The following TRPM3 variants were observed in gnomAD, a reference collection of about 807,000 sequenced individuals.
TRPM3 encodes the protein long transient receptor potential channel 3.
A neutral mutation model predicts 181.2 loss-of-function variants in TRPM3; 77 were observed. That is an observed-to-expected ratio of 0.42 (90% CI 0.35 to 0.51). The LOEUF (loss-of-function observed/expected upper bound fraction) is 0.51. TRPM3 is among the 20% of genes least tolerant of loss of function. The pLI is 0.01. For missense variants in TRPM3, 1,759 were observed against 2,196.7 expected (o/e 0.80, Z 3.98); for synonymous variants, 745 against 796.4 (o/e 0.94, Z 1.09).
intron 6 of TRPM3, among the ~76,000 whole-genome samples, chr9:70,791,666 T>C (rs1392690876): frequency 6.6e-6 from 1 of 152,160 alleles, no homozygotes; most frequent in Non-Finnish European, 1.5e-5. Context: ...GCTGGAGATA[T>C]GGGGATGTCA....
intron 1 of TRPM3, among the ~76,000 whole-genome samples, chr9:70,945,837 A>G (rs1564818991): frequency 6.6e-6 from 1 of 152,184 alleles, no homozygotes; most frequent in Non-Finnish European, 1.5e-5. Flanking sequence ...CCAAGTTGTA[A>G]GAACTGGCTG....
intron 1 of TRPM3, among the ~76,000 whole-genome samples, chr9:71,205,563 T>C (rs1565340303): frequency 6.6e-6 from 1 of 152,150 alleles, no homozygotes; most frequent in Non-Finnish European, 1.5e-5. Flanking sequence ...GTATGTGCAA[T>C]ACTGTGTCAA....
At chr9:71,028,386 T>A (rs2056853387) in intron 1 of TRPM3, among the ~76,000 whole-genome samples, 1 of 152,164 alleles carries the variant, frequency 6.6e-6, no homozygotes, top group Non-Finnish European at 1.5e-5. Flanking sequence ...TCAGTGATAC[T>A]ATAAAGCAAC....
chr9:71,050,716 A>G (rs1372131071), intron 1 of TRPM3, among the ~76,000 whole-genome samples: 1 of 152,222 alleles, frequency 6.6e-6, no homozygotes, highest in Non-Finnish European at 1.5e-5. Flanking sequence ...CCCATTTTTC[A>G]GAGAATTTTT....
chr9:71,159,064 A>C (rs2076144655), intron 1 of TRPM3, among the ~76,000 whole-genome samples: 1 of 150,886 alleles, frequency 6.6e-6, no homozygotes, highest in South Asian at 2.1e-4. Context: ...GGGATCTCTA[A>C]GCCTCCATAA....
intron 1 of TRPM3, among the ~76,000 whole-genome samples, chr9:70,909,413 G>T (rs753141837): frequency 1.3e-5 from 2 of 152,084 alleles, no homozygotes; most frequent in Non-Finnish European, 2.9e-5. Context: ...GGTAGGGTTG[G>T]GCTTGAGAAT....
intron 1 of TRPM3, among the ~76,000 whole-genome samples, chr9:71,377,520 C>A (rs987943132): frequency 1.3e-5 from 2 of 152,076 alleles, no homozygotes; most frequent in Admixed American, 6.6e-5. Flanking sequence ...TGAGACAGTT[C>A]TGTAGCAAAT....
At chr9:71,029,716 A>C (rs377434203) in intron 1 of TRPM3, among the ~76,000 whole-genome samples, 133 of 152,326 alleles carry the variant, frequency 8.7e-4, no homozygotes, top group African/African-American at 3.0e-3. Flanking sequence ...ATAATGATGT[A>C]ATATGAGAGA....
intron 1 of TRPM3, among the ~76,000 whole-genome samples, chr9:71,039,314 A>G (rs2058562977): frequency 6.6e-6 from 1 of 152,220 alleles, no homozygotes; most frequent in South Asian, 2.1e-4. Context: ...AGAAGGCTAC[A>G]CAGAACACAT....
intron 1 of TRPM3, among the ~76,000 whole-genome samples, chr9:71,293,926 G>A (rs1376125088): frequency 2.0e-5 from 3 of 152,032 alleles, no homozygotes; most frequent in Non-Finnish European, 2.9e-5. Flanking sequence ...GCATACCTGC[G>A]AGGAATGGAT....
rs577133664 is a variant in TRPM3 at position 70,757,299 on chromosome 9, C to T, written c.1272+4302G>A. 5.3e-5 allele frequency among the ~76,000 whole-genome samples: 8 copies of T among 152,260 alleles called. No individual in the cohort carries two copies. In the East Asian group the frequency reaches 1.4e-3, roughly 26 times the overall value. ...ACTAAACCAGGAAGAAGTCAAATCCCTGAATAGACCAAAAACAAGTTCTGA... is the reference window on the plus strand; with the variant it reads ...ACTAAACCAGGAAGAAGTCAAATCCTTGAATAGACCAAAAACAAGTTCTGA... On this transcript the variant is annotated intron_variant, in intron 8 of 25. Transcript: ENST00000677713.
intron 3 of TRPM3, among the ~76,000 whole-genome samples, chr9:70,858,766 G>A (rs1368943712): frequency 6.6e-6 from 1 of 151,768 alleles, no homozygotes; most frequent in African/African-American, 2.4e-5. Context: ...CAGAAGGCCA[G>A]TGCTTAGGGT....
At chr9:70,834,140 C>T (rs867895113) in intron 5 of TRPM3, among the ~76,000 whole-genome samples, 1 of 152,158 alleles carries the variant, frequency 6.6e-6, no homozygotes, top group Non-Finnish European at 1.5e-5. Context: ...CCTTTCAGCT[C>T]GGCAATTCAA....
chr9:70,536,997 C>G lies in TRPM3; in HGVS notation c.4116G>C (p.Arg1372Ser). 1 of 1,610,300 alleles carries G rather than the reference C, an allele frequency of 6.2e-7. No individual in the cohort carries two copies. Among genetic ancestry groups the G allele is most frequent in the Non-Finnish European group, 8.5e-7 (1 of 1,176,950 alleles). ...TAGTAGCCCGGTGTAGGCTCAGGGA[C>G]CTTTCTTTAAAAATACTTTCCAACT... ...IEKLESIFKE[R>S]SLSLHRATSS... Residue 1372 changes from arginine to serine, a missense_variant, in exon 26 of 26, where the codon AGG (arginine) becomes AGC (serine). This residue lies in a region of TRPM3 where 612 missense variants were observed against 590.0 expected (regional missense o/e 1.04). Coordinates refer to ENST00000677713, the MANE Select transcript of TRPM3 (RefSeq NM_001366145.2).
intron 1 of TRPM3, among the ~76,000 whole-genome samples, chr9:70,957,242 G>T (rs1170742052): frequency 6.6e-6 from 1 of 152,044 alleles, no homozygotes; most frequent in Non-Finnish European, 1.5e-5. Context: ...GGGATTACAG[G>T]CATGAGCCAC....
In TRPM3 at chr9:71,320,982, T is replaced by C. The variant is rs142911265; in HGVS notation, c.183+125671A>G. On this transcript the variant is annotated intron_variant, in intron 1 of 24. Coordinates refer to the TRPM3 transcript ENST00000357533. ...CCCACATCGAAGGCATCATCACTTG[T>C]TGTTGTCTTTACTCTCTAAGCACAG... Among the ~76,000 whole-genome samples, 619 of 152,252 alleles carry C rather than the reference T, an allele frequency of 4.1e-3. 7 individuals are homozygous for C. The highest frequency in any genetic ancestry group is 0.02 in the Middle Eastern group (6 of 294).
chr9:71,325,093 C>A (rs1177070947), intron 1 of TRPM3, among the ~76,000 whole-genome samples: 1 of 151,968 alleles, frequency 6.6e-6, no homozygotes, highest in Non-Finnish European at 1.5e-5. Context: ...ACCTAAAATA[C>A]CCTGACTTGA....
intron 12 of TRPM3, among the ~76,000 whole-genome samples, chr9:70,629,662 T>C (rs2133370035): frequency 6.6e-6 from 1 of 152,296 alleles, no homozygotes; most frequent in East Asian, 1.9e-4. Flanking sequence ...ATGTTTTATA[T>C]GTACTATAAG....
At chr9:71,354,157 A>C (rs1016872239) in intron 1 of TRPM3, among the ~76,000 whole-genome samples, 3 of 152,228 alleles carry the variant, frequency 2.0e-5, no homozygotes, top group Non-Finnish European at 4.4e-5. Context: ...ATGCATGAAC[A>C]GTCTAACCAC....
Sources: allele counts gnomAD v4.1 joint callset (sites outside exome capture counted in the v4.1 genomes callset), GRCh38; gene constraint gnomAD v4.1.1; regional missense constraint gnomAD v4.1.1; transcripts MANE v1.5; gene names NCBI Gene and HGNC (gene_info 2026-07-23, HGNC 2026-07-21).